SLC25A13: variants seen among roughly 807,000 people sequenced by gnomAD.
The protein encoded by SLC25A13 is solute carrier family 25 member 13.
A neutral mutation model predicts 85.5 loss-of-function variants in SLC25A13; 70 were observed. That is an observed-to-expected ratio of 0.82 (90% CI 0.68 to 1.00). The LOEUF is 1.00. Ranked by LOEUF, SLC25A13 falls within the 50% of genes least tolerant of loss-of-function variation. The pLI, the probability that SLC25A13 is intolerant of heterozygous loss-of-function variation, is 0.00. For missense variants in SLC25A13, 765 were observed against 819.8 expected (o/e 0.93, Z 0.82); for synonymous variants, 259 against 288.7 (o/e 0.90, Z 1.04).
intron 11 of SLC25A13, among the ~76,000 whole-genome samples, chr7:96,174,182 C>CAAA: frequency 6.6e-6 from 1 of 152,228 alleles, no homozygotes; most frequent in Non-Finnish European, 1.5e-5. Flanking sequence ...AGTGCAGCTC[C>CAAA]TGCTCTTGGA....
At chr7:96,318,838 C>A (rs1168119033) in intron 1 of SLC25A13, among the ~76,000 whole-genome samples, 1 of 152,196 alleles carries the variant, frequency 6.6e-6, no homozygotes, top group Non-Finnish European at 1.5e-5. Context: ...GGAATTCTCA[C>A]AGTTGCTGAG....
At chr7:96,181,051 A>G (rs979999164) in intron 11 of SLC25A13, among the ~76,000 whole-genome samples, 1 of 152,106 alleles carries the variant, frequency 6.6e-6, no homozygotes, top group African/African-American at 2.4e-5. Flanking sequence ...TGGGGGTTGG[A>G]TTTTCAGAAA....
At chr7:96,296,679 C>T (rs1484695838) in intron 2 of SLC25A13, among the ~76,000 whole-genome samples, 2 of 152,096 alleles carry the variant, frequency 1.3e-5, no homozygotes, top group African/African-American at 4.8e-5. Flanking sequence ...TGGGGTTTCA[C>T]CATGTTGGCC....
chr7:96,183,068 A>G (rs1794480238), intron 11 of SLC25A13, among the ~76,000 whole-genome samples: 1 of 152,198 alleles, frequency 6.6e-6, no homozygotes. Flanking sequence ...AGCATTTCAA[A>G]TGGAAGGCAG....
intron 10 of SLC25A13, 101 bp from the exon 11 acceptor site, chr7:96,184,536 T>A: frequency 8.8e-7 from 1 of 1,134,872 alleles, no homozygotes; most frequent in Non-Finnish European, 1.3e-6. Flanking sequence ...AAGAAATGTG[T>A]TTTGAATTTT....
intron 1 of SLC25A13, among the ~76,000 whole-genome samples, chr7:96,316,992 C>CA (rs2117038424): frequency 6.6e-6 from 1 of 152,182 alleles, no homozygotes; most frequent in South Asian, 2.1e-4. Flanking sequence ...TTTTTTGAGA[C>CA]AGAGTCTTGC....
intron 3 of SLC25A13, among the ~76,000 whole-genome samples, chr7:96,259,115 A>G (rs1797750485): frequency 6.6e-6 from 1 of 152,226 alleles, no homozygotes; most frequent in Admixed American, 6.5e-5. Context: ...AAACCCTAGA[A>G]GAAAACCTAG....
chr7:96,239,042 T>TATATATATATATA (rs1396147842), intron 3 of SLC25A13, among the ~76,000 whole-genome samples: 1 of 5,918 alleles, frequency 1.7e-4, no homozygotes, highest in East Asian at 3.8e-3. Flanking sequence ...ATATTTTATA[T>TATATATATATATA]ATATATATAT....
intron 5 of SLC25A13, among the ~76,000 whole-genome samples, chr7:96,207,263 T>C (rs1012543462): frequency 4.6e-5 from 7 of 152,326 alleles, no homozygotes; most frequent in Non-Finnish European, 8.8e-5. Flanking sequence ...ATATGAATCA[T>C]AATAATACCA....
chr7:96,279,438 C>T (rs1798582631), intron 2 of SLC25A13, among the ~76,000 whole-genome samples: 1 of 152,118 alleles, frequency 6.6e-6, no homozygotes, highest in African/African-American at 2.4e-5. Context: ...GGCTGGGAGG[C>T]CTCACAATCA....
intron 3 of SLC25A13, among the ~76,000 whole-genome samples, chr7:96,244,244 C>A (rs1036520485): frequency 6.6e-6 from 1 of 152,156 alleles, no homozygotes. Context: ...ATGGCAGTCA[C>A]AGGCACAGAC....
At chr7:96,122,289 A>T (rs375293036) in intron 15 of SLC25A13, among the ~76,000 whole-genome samples, 1 of 152,206 alleles carries the variant, frequency 6.6e-6, no homozygotes, top group Non-Finnish European at 1.5e-5. Context: ...TTTATCAATA[A>T]CACTACTTCA....
At chr7:96,304,623 C>A (rs1584598842) in intron 1 of SLC25A13, among the ~76,000 whole-genome samples, 2 of 152,178 alleles carry the variant, frequency 1.3e-5, no homozygotes, top group South Asian at 2.1e-4. Flanking sequence ...CCTTCCCCAA[C>A]AAGCTGCAAC....
At chr7:96,167,672 T>A (rs1312550192) in intron 13 of SLC25A13, among the ~76,000 whole-genome samples, 1 of 152,212 alleles carries the variant, frequency 6.6e-6, no homozygotes, top group Non-Finnish European at 1.5e-5. Context: ...TGACACAACC[T>A]TACAAAACCC....
rs1469897135 is a variant in SLC25A13, at chr7:96,184,958, G to C, written c.987C>G (p.Ala329=). The C allele has an allele frequency of 4.3e-6, 7 of 1,614,072 alleles. No homozygotes were observed. Among genetic ancestry groups the C allele is most frequent in the Non-Finnish European group, 5.9e-6 (7 of 1,180,048 alleles). ...CAACAGAACCCAGACCAAACCTGTA[G>C]GCCGACTCTGCAACTTGTAGAAGAA... The part of the protein sequence containing the change: ...RPVLLQVAES[A]YRFGLGSVAG... The change falls in exon 10 of 18, where the codon GCC becomes GCG. Residue 329 remains alanine, a synonymous_variant. Coordinates refer to ENST00000265631, the MANE Select transcript of SLC25A13 (RefSeq NM_014251.3).
At chr7:96,265,191 T>C (rs1798003049) in intron 3 of SLC25A13, among the ~76,000 whole-genome samples, 1 of 152,238 alleles carries the variant, frequency 6.6e-6, no homozygotes, top group African/African-American at 2.4e-5. Flanking sequence ...CATGGGTCTA[T>C]GAGCACTTTT....
intron 5 of SLC25A13, among the ~76,000 whole-genome samples, chr7:96,208,471 A>G (rs1795546096): frequency 6.6e-6 from 1 of 151,682 alleles, no homozygotes; most frequent in South Asian, 2.1e-4. Flanking sequence ...TTTACACACA[A>G]TTTGATTCCA....
chr7:96,212,665 A>G (rs745781966), intron 4 of SLC25A13, among the ~76,000 whole-genome samples: 10 of 152,174 alleles, frequency 6.6e-5, no homozygotes, highest in Admixed American at 4.6e-4. Flanking sequence ...TTTGGACCAA[A>G]GCCACCTGGG....
chr7:96,288,261 C>T (rs1798967978), intron 2 of SLC25A13, among the ~76,000 whole-genome samples: 1 of 152,178 alleles, frequency 6.6e-6, no homozygotes, highest in South Asian at 2.1e-4. Context: ...GGAAACCCGT[C>T]TCTACTAAAA....
Sources: allele counts gnomAD v4.1 joint callset (sites outside exome capture counted in the v4.1 genomes callset), GRCh38; gene constraint gnomAD v4.1.1; transcripts MANE v1.5; gene names NCBI Gene and HGNC (gene_info 2026-07-23, HGNC 2026-07-21).